Variants in KSR1 observed in about 807,000 individuals in gnomAD.
KSR1 encodes kinase suppressor of ras 1.
A neutral mutation model predicts 92.9 loss-of-function variants in KSR1; 35 were observed. The ratio of observed to expected loss-of-function variants is 0.38; its 90% CI spans 0.29 to 0.50. KSR1 has a LOEUF of 0.50. Among genes scored for constraint, KSR1 ranks in the 20% least tolerant of loss-of-function variants. KSR1 has a pLI of 0.94. For missense variants in KSR1, 972 were observed against 1,158.5 expected (o/e 0.84, Z 2.34); for synonymous variants, 467 against 472.6 (o/e 0.99, Z 0.15).
chr17:27,590,780 G>A, intron 6 of KSR1, 31 bp from the exon 7 acceptor site: 1 of 1,592,412 alleles, frequency 6.3e-7, no homozygotes, highest in South Asian at 1.1e-5. Context: ...CCCAGCTGGT[G>A]CAAACATGTG....
At chr17:27,480,001 A>G (rs2068464650) in intron 1 of KSR1, among the ~76,000 whole-genome samples, 1 of 152,188 alleles carries the variant, frequency 6.6e-6, no homozygotes, top group African/African-American at 2.4e-5. Flanking sequence ...GGTGACATTC[A>G]GGGAAAAGTT....
At chr17:27,497,793 C>T (rs1177444666) in intron 1 of KSR1, among the ~76,000 whole-genome samples, 1 of 152,162 alleles carries the variant, frequency 6.6e-6, no homozygotes, top group Admixed American at 6.5e-5. Context: ...TGTTTGGCTG[C>T]AGCAACACAT....
intron 1 of KSR1, among the ~76,000 whole-genome samples, chr17:27,545,002 A>G (rs2071109254): frequency 6.6e-6 from 1 of 152,190 alleles, no homozygotes; most frequent in Non-Finnish European, 1.5e-5. Context: ...TTGTTTCTTA[A>G]CAAGTTCTGG....
intron 2 of KSR1, among the ~76,000 whole-genome samples, chr17:27,555,768 T>G (rs975653214): frequency 1.3e-4 from 20 of 152,404 alleles, no homozygotes; most frequent in African/African-American, 4.6e-4. Context: ...TTCAATGACA[T>G]TAAATACTTT....
intron 1 of KSR1, among the ~76,000 whole-genome samples, chr17:27,490,874 C>T (rs1231085014): frequency 1.3e-5 from 2 of 152,106 alleles, no homozygotes; most frequent in African/African-American, 2.4e-5. Flanking sequence ...GGGTTAGAGA[C>T]ACCTAAATGT....
intron 1 of KSR1, among the ~76,000 whole-genome samples, chr17:27,490,407 T>C (rs1452344482): frequency 6.6e-6 from 1 of 152,244 alleles, no homozygotes. Context: ...AGAATGAAGA[T>C]GAACGGAACC....
At chr17:27,502,441 T>TA (rs1311102636) in intron 1 of KSR1, among the ~76,000 whole-genome samples, 2 of 152,234 alleles carry the variant, frequency 1.3e-5, no homozygotes, top group Non-Finnish European at 1.5e-5. Flanking sequence ...TGTCAAAACT[T>TA]AATGTCTTAA....
At chr17:27,457,515 G>A (rs2019235941) in intron 1 of KSR1, among the ~76,000 whole-genome samples, 1 of 152,198 alleles carries the variant, frequency 6.6e-6, no homozygotes, top group Non-Finnish European at 1.5e-5. Context: ...CCAAAGATTG[G>A]ATTTAGGCTT....
In KSR1 at chr17:27,533,702, A is replaced by G. The variant is rs551580673; in HGVS notation, c.232-16866A>G. Among the ~76,000 whole-genome samples, 7 of 152,242 alleles carry G rather than the reference A, an allele frequency of 4.6e-5. No homozygotes were observed. The East Asian group carries it at 9.6e-4, about 21-fold the overall frequency. ...CAGCCGCAACCATTCATTTTTTTAAAAAGATTTCTGATCTGCCGTTGAATC... is the reference window on the plus strand; with the variant it reads ...CAGCCGCAACCATTCATTTTTTTAAGAAGATTTCTGATCTGCCGTTGAATC... On this transcript the variant is annotated intron_variant, in intron 1 of 20. Coordinates refer to ENST00000644974, the MANE Select transcript of KSR1 (RefSeq NM_001394583.1).
At chr17:27,586,905 C>G (rs919006759) in intron 5 of KSR1, among the ~76,000 whole-genome samples, 1 of 152,204 alleles carries the variant, frequency 6.6e-6, no homozygotes, top group African/African-American at 2.4e-5. Flanking sequence ...CGAAATCTCG[C>G]TCTATCACCC....
At chr17:27,533,875 C>T (rs1004535297) in intron 1 of KSR1, among the ~76,000 whole-genome samples, 2 of 152,210 alleles carry the variant, frequency 1.3e-5, no homozygotes, top group African/African-American at 4.8e-5. Flanking sequence ...TTCTTGAGAG[C>T]TTGGCAGCAT....
chr17:27,526,496 T>C, intron 1 of KSR1: 3 of 1,603,158 alleles, frequency 1.9e-6, no homozygotes, highest in South Asian at 2.2e-5. Flanking sequence ...ACTTCATTTT[T>C]ATCCTGTGTT....
chr17:27,475,118 T>A (rs1202357285), intron 1 of KSR1, among the ~76,000 whole-genome samples: 1 of 152,076 alleles, frequency 6.6e-6, no homozygotes, highest in East Asian at 1.9e-4. Flanking sequence ...AAAAGAGCTT[T>A]GGAAGCTGAG....
chr17:27,608,387 G>T lies in KSR1; in HGVS notation c.2091+377G>T, dbSNP rs1020920265. ...ATATATCCTCCCTCTCTGGATTGGT[G>T]TGAGGTTAAAAACGCGATAATCCAT... On this transcript the variant is annotated intron_variant, in intron 15 of 20. Transcript: ENST00000644974. Among the ~76,000 whole-genome samples, 5 of 152,134 alleles carry T rather than the reference G, an allele frequency of 3.3e-5. No homozygotes were observed. The East Asian group carries it at 9.7e-4, about 29-fold the overall frequency.
At chr17:27,585,051 C>G (rs1449354272) in intron 4 of KSR1, among the ~76,000 whole-genome samples, 1 of 152,250 alleles carries the variant, frequency 6.6e-6, no homozygotes, top group Non-Finnish European at 1.5e-5. Flanking sequence ...ATTCTCCTGC[C>G]TCAGCCTCCC....
chr17:27,456,980 C>T, intron 1 of KSR1, 106 bp downstream of exon 1: 2 of 689,210 alleles, frequency 2.9e-6, no homozygotes, highest in African/African-American at 1.8e-5. Flanking sequence ...GCGTCGCCCC[C>T]CTTGGAGGCT....
intron 1 of KSR1, among the ~76,000 whole-genome samples, chr17:27,543,474 G>A (rs1173627524): frequency 6.6e-6 from 1 of 152,212 alleles, no homozygotes; most frequent in Non-Finnish European, 1.5e-5. Context: ...CAGTTCTGGG[G>A]GCTGTGTCCT....
At chr17:27,458,399 G>C (rs1478900746) in intron 1 of KSR1, among the ~76,000 whole-genome samples, 2 of 152,202 alleles carry the variant, frequency 1.3e-5, no homozygotes, top group African/African-American at 4.8e-5. Context: ...TGGGCTTGGA[G>C]AATGCTCTCT....
intron 1 of KSR1, among the ~76,000 whole-genome samples, chr17:27,478,711 G>A (rs1423834455): frequency 1.3e-5 from 2 of 152,050 alleles, no homozygotes; most frequent in Non-Finnish European, 2.9e-5. Flanking sequence ...GGGGTTGGGG[G>A]CTTATCACCC....
Sources: gnomAD v4.1 joint callset for allele counts (sites outside exome capture counted in the v4.1 genomes callset) on GRCh38, gnomAD v4.1.1 for gene constraint, MANE v1.5 for transcripts, NCBI Gene and HGNC (gene_info 2026-07-23, HGNC 2026-07-21) for gene names.